Variants in IGFBP7 observed in about 807,000 individuals in gnomAD.
IGFBP7 encodes the protein insulin like growth factor binding protein 7.
A neutral mutation model predicts 29.4 loss-of-function variants in IGFBP7; 31 were observed. The ratio of observed to expected loss-of-function variants is 1.05; its 90% CI spans 0.79 to 1.42. The LOEUF (loss-of-function observed/expected upper bound fraction) is 1.42. Ranked by LOEUF, IGFBP7 falls within the 40% of genes most tolerant of loss-of-function variation. IGFBP7 has a pLI of 0.00. For synonymous variants in IGFBP7, 172 were observed against 174.9 expected, an observed-to-expected ratio of 0.98 and a Z score of 0.13; for missense variants, 393 against 395.5, an observed-to-expected ratio of 0.99 and a Z score of 0.05.
At chr4:57,044,020 G>A (rs1050410821) in intron 1 of IGFBP7, among the ~76,000 whole-genome samples, 3 of 152,156 alleles carry the variant, frequency 2.0e-5, no homozygotes, top group African/African-American at 4.8e-5. Context: ...CAAAGCTCAG[G>A]GGATCTCAAA....
At chr4:57,036,127 G>C (rs1724077982) in intron 2 of IGFBP7, among the ~76,000 whole-genome samples, 1 of 152,202 alleles carries the variant, frequency 6.6e-6, no homozygotes, top group Non-Finnish European at 1.5e-5. Context: ...TTGAGAAGCA[G>C]ACTTGGACGG....
chr4:57,096,417 G>A (rs1725766083), intron 1 of IGFBP7, among the ~76,000 whole-genome samples: 1 of 151,796 alleles, frequency 6.6e-6, no homozygotes, highest in African/African-American at 2.4e-5. Flanking sequence ...TAGAACAATA[G>A]TTCTGAACTG....
intron 1 of IGFBP7, among the ~76,000 whole-genome samples, chr4:57,090,626 C>T (rs1725615286): frequency 6.6e-6 from 1 of 152,124 alleles, no homozygotes; most frequent in Non-Finnish European, 1.5e-5. Context: ...CACTTGAAGT[C>T]AGGAGTTAGA....
At chr4:57,104,523 A>C (rs1725974668) in intron 1 of IGFBP7, among the ~76,000 whole-genome samples, 1 of 152,220 alleles carries the variant, frequency 6.6e-6, no homozygotes, top group Non-Finnish European at 1.5e-5. Context: ...AAGTTCATAC[A>C]TTTACTGAAG....
intron 1 of IGFBP7, among the ~76,000 whole-genome samples, chr4:57,068,181 T>C (rs1251773429): frequency 1.3e-5 from 2 of 151,774 alleles, no homozygotes; most frequent in African/African-American, 4.8e-5. Flanking sequence ...TCCTAGATAC[T>C]TGGGAGGCCG....
At chr4:57,076,176 C>T (rs900910680) in intron 1 of IGFBP7, among the ~76,000 whole-genome samples, 2 of 151,564 alleles carry the variant, frequency 1.3e-5, no homozygotes, top group African/African-American at 2.4e-5. Flanking sequence ...GAGAGATCAT[C>T]TTTCTTTGTC....
In IGFBP7 at chr4:57,109,709, C is replaced by T. The variant is rs1010848942; in HGVS notation, c.475+168G>A. 38 of 794,454 alleles carry T rather than the reference C, an allele frequency of 4.8e-5. No homozygotes were observed. In the South Asian group the frequency reaches 5.1e-4, roughly 11 times the overall value. The allele number at this position is 794,454 out of a possible 1,614,324, so 49.2% of individuals were successfully genotyped here. ...AGAAGGGGGGGCGTCGCCCACCGCT[C>T]CTGGCATTCCGCGGCTGCCAACTCT... On this transcript the variant is annotated intron_variant, in intron 1 of 4. Coordinates refer to ENST00000295666, the MANE Select transcript of IGFBP7 (RefSeq NM_001553.3).
intron 1 of IGFBP7, among the ~76,000 whole-genome samples, chr4:57,067,739 C>G (rs1006032381): frequency 1.3e-5 from 2 of 151,980 alleles, no homozygotes; most frequent in Non-Finnish European, 2.9e-5. Context: ...TGACCTTATT[C>G]CAAGATTCAA....
intron 1 of IGFBP7, among the ~76,000 whole-genome samples, chr4:57,051,672 C>T (rs2109755244): frequency 6.6e-6 from 1 of 152,232 alleles, no homozygotes; most frequent in East Asian, 1.9e-4. Flanking sequence ...GGAGCGTGGA[C>T]TTGGAATCAG....
chr4:57,073,109 C>T lies in IGFBP7; in HGVS notation c.476-32176G>A, dbSNP rs888323128. Reference sequence around the variant, plus strand: ...GCACCTGCAAGAAACCTACTTAAAGCAGGTCACCAGCCAGGAGCCCTGACC... The same window carrying T: ...GCACCTGCAAGAAACCTACTTAAAGTAGGTCACCAGCCAGGAGCCCTGACC... On this transcript the variant is annotated intron_variant, in intron 1 of 4. Coordinates refer to ENST00000295666, the MANE Select transcript of IGFBP7 (RefSeq NM_001553.3). 101 of 1,595,426 alleles carry T rather than the reference C, an allele frequency of 6.3e-5. No individual in the cohort carries two copies. In the African/African-American group the frequency reaches 1.2e-3, roughly 19 times the overall value.
chr4:57,078,355 C>T (rs1725280281), intron 1 of IGFBP7, among the ~76,000 whole-genome samples: 1 of 152,208 alleles, frequency 6.6e-6, no homozygotes, highest in African/African-American at 2.4e-5. Context: ...TAGACACCTC[C>T]TAACCACTAT....
chr4:57,060,359 A>G (rs1724771617), intron 1 of IGFBP7, among the ~76,000 whole-genome samples: 1 of 152,188 alleles, frequency 6.6e-6, no homozygotes, highest in African/African-American at 2.4e-5. Flanking sequence ...TTTAGCTTAT[A>G]TACACAATTC....
Position 57,031,081 on chromosome 4 carries a change from T to C in IGFBP7, c.*236A>G. 1 of 817,166 alleles carries C rather than the reference T, an allele frequency of 1.2e-6. No homozygotes were observed. Among genetic ancestry groups the C allele is most frequent in the Non-Finnish European group, 2.1e-6 (1 of 482,380 alleles). 50.6% of individuals were successfully genotyped at this position (817,166 alleles called of 1,614,324 possible). On this transcript the variant is annotated 3_prime_UTR_variant, in exon 5 of 5. Coordinates refer to ENST00000295666, the MANE Select transcript of IGFBP7 (RefSeq NM_001553.3). ...AAAATGACAAATATGTACTGTGTTG[T>C]GATAAAAAGTATTTTATTTGTTTAA...
At chr4:57,098,367 G>C (rs1172308772) in intron 1 of IGFBP7, among the ~76,000 whole-genome samples, 1 of 152,202 alleles carries the variant, frequency 6.6e-6, no homozygotes, top group African/African-American at 2.4e-5. Flanking sequence ...AGGCTGAATG[G>C]GTGAGAAGAA....
chr4:57,109,947 G>T lies in IGFBP7; in HGVS notation c.405C>A (p.Ala135=). ...TTYPSGCQLR[A]ASQRAESRGE... ...CGCGGCTCTCGGCCCTCTGGCTGGC[G>T]GCGCGCAGCTGGCAGCCGCTCGGGT... The change falls in exon 1 of 5, where the codon GCC becomes GCA. Residue 135 remains alanine (A), a synonymous_variant. Transcript: ENST00000295666. 1 of 1,555,370 alleles carries T rather than the reference G, an allele frequency of 6.4e-7. No individual in the cohort carries two copies. Among genetic ancestry groups the T allele is most frequent in the East Asian group, 2.4e-5 (1 of 42,490 alleles).
At position 57,031,670 on chromosome 4, in the gene IGFBP7, A is replaced by G. The variant is rs144377092; in HGVS notation, c.830-334T>C. Among the ~76,000 whole-genome samples the G allele has an allele frequency of 2.1e-3, 313 of 152,330 alleles. 2 individuals are homozygous for G. The highest frequency in any genetic ancestry group is 7.3e-3 in the African/African-American group (304 of 41,576). ...CTCCTTCAAAAGGTAAAGTGGAGGA[A>G]TAATTAGTAGCAGAGCTGAGACTCA... is the stretch of plus-strand genomic sequence containing the variant. On this transcript the variant is annotated intron_variant, in intron 4 of 4. Coordinates refer to ENST00000295666, the MANE Select transcript of IGFBP7 (RefSeq NM_001553.3).
chr4:57,042,111 T>C (rs571478909), intron 1 of IGFBP7, among the ~76,000 whole-genome samples: 5 of 152,172 alleles, frequency 3.3e-5, no homozygotes, highest in Admixed American at 6.5e-5. Context: ...AGAATGATGC[T>C]TCTCCATTCC....
At chr4:57,102,942 G>C (rs569743098) in intron 1 of IGFBP7, among the ~76,000 whole-genome samples, 97 of 152,284 alleles carry the variant, frequency 6.4e-4, no homozygotes, top group African/African-American at 2.2e-3. Flanking sequence ...AGGGACTTTA[G>C]GGGGAAGAGA....
At chr4:57,091,552 T>C (rs538491760) in intron 1 of IGFBP7, among the ~76,000 whole-genome samples, 24 of 152,288 alleles carry the variant, frequency 1.6e-4, no homozygotes, top group Admixed American at 4.6e-4. Context: ...AGGGTTATTG[T>C]GAGGATTAAA....
Sources: allele counts gnomAD v4.1 joint callset (sites outside exome capture counted in the v4.1 genomes callset), GRCh38; gene constraint gnomAD v4.1.1; transcripts MANE v1.5; gene names NCBI Gene and HGNC (gene_info 2026-07-23, HGNC 2026-07-21).